PAK5: variants seen among roughly 807,000 people sequenced by gnomAD.
PAK5 encodes serine/threonine-protein kinase PAK 5.
A neutral mutation model predicts 65.9 loss-of-function variants in PAK5; 16 were observed. The observed-to-expected ratio is 0.24, with a 90% CI of 0.16 to 0.37. The LOEUF (loss-of-function observed/expected upper bound fraction) is 0.37, where lower values mean the gene tolerates loss of function less well. Among genes scored for constraint, PAK5 ranks in the 10% least tolerant of loss-of-function variants. The pLI is 1.00. For missense variants in PAK5, 785 were observed against 903.9 expected (o/e 0.87, Z 1.69); for synonymous variants, 371 against 354.9 (o/e 1.05, Z -0.51).
chr20:9,802,413 A>G (rs2049179779), intron 1 of PAK5, among the ~76,000 whole-genome samples: 1 of 152,094 alleles, frequency 6.6e-6, no homozygotes, highest in Non-Finnish European at 1.5e-5. Context: ...TTTTATAAAT[A>G]TGGGAGAAGG....
At chr20:9,610,089 A>G (rs1247862424) in intron 3 of PAK5, among the ~76,000 whole-genome samples, 2 of 152,170 alleles carry the variant, frequency 1.3e-5, no homozygotes, top group African/African-American at 4.8e-5. Context: ...GTGTGAAGAT[A>G]GATAAAAGCA....
chr20:9,598,148 A>G (rs576977943), intron 3 of PAK5, among the ~76,000 whole-genome samples: 15 of 152,080 alleles, frequency 9.9e-5, no homozygotes, highest in Admixed American at 5.9e-4. Flanking sequence ...TTCCTGGCCT[A>G]TCTCCCTGTG....
At chr20:9,771,772 C>G (rs912810555) in intron 1 of PAK5, among the ~76,000 whole-genome samples, 3 of 151,952 alleles carry the variant, frequency 2.0e-5, no homozygotes, top group Non-Finnish European at 2.9e-5. Flanking sequence ...GGAACAGTGG[C>G]TCATGCCTGT....
At chr20:9,755,892 T>C (rs1371117237) in intron 1 of PAK5, among the ~76,000 whole-genome samples, 1 of 152,196 alleles carries the variant, frequency 6.6e-6, no homozygotes, top group Non-Finnish European at 1.5e-5. Flanking sequence ...GTCAACCCAT[T>C]GCAGAAACAA....
At chr20:9,740,130 C>G (rs368472360) in intron 1 of PAK5, among the ~76,000 whole-genome samples, 1 of 152,228 alleles carries the variant, frequency 6.6e-6, no homozygotes, top group Non-Finnish European at 1.5e-5. Flanking sequence ...GGAAAAATGT[C>G]GGAGCCACTA....
chr20:9,661,386 T>C (rs564131057), intron 2 of PAK5, among the ~76,000 whole-genome samples: 2 of 152,226 alleles, frequency 1.3e-5, no homozygotes, highest in African/African-American at 4.8e-5. Context: ...CTGCCTAAGA[T>C]CCAGACCCAC....
chr20:9,642,785 C>A (rs1382031886), intron 3 of PAK5, among the ~76,000 whole-genome samples: 1 of 152,152 alleles, frequency 6.6e-6, no homozygotes, highest in Admixed American at 6.5e-5. Flanking sequence ...GTTCCCAAAG[C>A]TTTATCTTCT....
intron 4 of PAK5, among the ~76,000 whole-genome samples, chr20:9,577,108 C>G (rs963264516): frequency 6.6e-6 from 1 of 152,196 alleles, no homozygotes; most frequent in Non-Finnish European, 1.5e-5. Flanking sequence ...CCACATCTGG[C>G]AGTTTTCATA....
chr20:9,545,183 C>G (rs1354420545), intron 7 of PAK5, among the ~76,000 whole-genome samples: 1 of 152,082 alleles, frequency 6.6e-6, no homozygotes, highest in African/African-American at 2.4e-5. Context: ...ATCCTAAGGG[C>G]TCAGTGTATA....
At chr20:9,605,874 G>A (rs925811968) in intron 3 of PAK5, among the ~76,000 whole-genome samples, 2 of 152,124 alleles carry the variant, frequency 1.3e-5, no homozygotes, top group Admixed American at 1.3e-4. Flanking sequence ...AGGTTGCAGT[G>A]AGCCGAGATG....
At chr20:9,570,711 C>T (rs2045766083) in intron 4 of PAK5, among the ~76,000 whole-genome samples, 1 of 152,188 alleles carries the variant, frequency 6.6e-6, no homozygotes, top group South Asian at 2.1e-4. Flanking sequence ...CCTGTGTCTT[C>T]CTTGGAGGAC....
intron 3 of PAK5, among the ~76,000 whole-genome samples, chr20:9,621,954 T>C (rs936852313): frequency 2.6e-5 from 4 of 152,184 alleles, no homozygotes; most frequent in Non-Finnish European, 5.9e-5. Context: ...TCCATAATAT[T>C]CTTCAGCACT....
At chr20:9,766,062 A>T (rs2048753962) in intron 1 of PAK5, among the ~76,000 whole-genome samples, 1 of 151,822 alleles carries the variant, frequency 6.6e-6, no homozygotes, top group Admixed American at 6.6e-5. Flanking sequence ...TTTCTACTAA[A>T]AATACAAAAT....
At chr20:9,553,600 A>G (rs1053743972) in intron 7 of PAK5, among the ~76,000 whole-genome samples, 1 of 151,916 alleles carries the variant, frequency 6.6e-6, no homozygotes, top group Non-Finnish European at 1.5e-5. Flanking sequence ...GGAATCATAT[A>G]GTGTGTATCC....
intron 7 of PAK5, among the ~76,000 whole-genome samples, chr20:9,553,715 A>G (rs964203598): frequency 2.1e-4 from 32 of 152,188 alleles, no homozygotes; most frequent in African/African-American, 7.2e-4. Context: ...ATTCCATGAC[A>G]TGGATATATT....
At chr20:9,548,140 A>T (rs2045372117) in intron 7 of PAK5, among the ~76,000 whole-genome samples, 3 of 152,056 alleles carry the variant, frequency 2.0e-5, no homozygotes, top group Admixed American at 6.5e-5. Context: ...TTCTGCACAC[A>T]CTAAAACCAT....
intron 4 of PAK5, among the ~76,000 whole-genome samples, chr20:9,567,879 T>C (rs181299426): frequency 6.6e-6 from 1 of 152,174 alleles, no homozygotes; most frequent in Non-Finnish European, 1.5e-5. Context: ...GATAGGGTAG[T>C]CACAGAAGGA....
intron 2 of PAK5, among the ~76,000 whole-genome samples, chr20:9,670,843 T>C (rs1295354462): frequency 6.6e-6 from 1 of 152,224 alleles, no homozygotes; most frequent in Non-Finnish European, 1.5e-5. Flanking sequence ...CATGAAGTCC[T>C]TGCCCATGCC....
intron 3 of PAK5, among the ~76,000 whole-genome samples, chr20:9,584,566 C>T (rs955140301): frequency 5.9e-5 from 9 of 152,222 alleles, no homozygotes; most frequent in African/African-American, 2.2e-4. Context: ...CCGCCTTGGC[C>T]TCCCAAAGTG....
Sources: gnomAD v4.1 joint callset for allele counts (sites outside exome capture counted in the v4.1 genomes callset) on GRCh38, gnomAD v4.1.1 for gene constraint, MANE v1.5 for transcripts, NCBI Gene and HGNC (gene_info 2026-07-23, HGNC 2026-07-21) for gene names.